The following NDST4 variants were observed in gnomAD, a reference collection of about 807,000 sequenced individuals.
NDST4 encodes N-heparan sulfate sulfotransferase 4.
In NDST4, 63 loss-of-function variants were observed where a neutral mutation model predicts 100.8. That is an observed-to-expected ratio of 0.62 (90% confidence interval 0.51 to 0.77). The LOEUF (loss-of-function observed/expected upper bound fraction) is 0.77, where lower values mean the gene tolerates loss of function less well. Ranked by LOEUF, NDST4 falls within the 30% of genes least tolerant of loss-of-function variation. The pLI, the probability that NDST4 is intolerant of heterozygous loss-of-function variation, is 0.00. For missense variants in NDST4, 943 were observed against 1,018.4 expected, an observed-to-expected ratio of 0.93 and a Z score of 1.01; for synonymous variants, 377 against 361.8, an observed-to-expected ratio of 1.04 and a Z score of -0.48.
At chr4:115,025,764 T>C (rs1727970529) in intron 2 of NDST4, among the ~76,000 whole-genome samples, 1 of 152,176 alleles carries the variant, frequency 6.6e-6, no homozygotes, top group Non-Finnish European at 1.5e-5. Context: ...TTAAAGTTTC[T>C]GTAATTTCAA....
In NDST4 at chr4:114,897,743, T is replaced by A. The variant is rs139096764; in HGVS notation, c.1537-26793A>T. ...TCCACATCCTCACCAGCATTTGGTA[T>A]TGTCAGTGTTTGATATATGGGTAAT... On this transcript the variant is annotated intron_variant, in intron 6 of 13. Transcript: ENST00000264363. Among the ~76,000 whole-genome samples, 164 of 152,338 alleles carry A rather than the reference T, an allele frequency of 1.1e-3. 2 individuals carry two copies. Among genetic ancestry groups the A allele is most frequent in the African/African-American group, 3.6e-3 (151 of 41,582 alleles).
chr4:115,096,218 C>G lies in NDST4; in HGVS notation c.-247+17226G>C, dbSNP rs1207348854. Among the ~76,000 whole-genome samples, 6 of 26,178 alleles carry G rather than the reference C, an allele frequency of 2.3e-4. 2 individuals are homozygous for G. The highest frequency in any genetic ancestry group is 1.8e-3 in the African/African-American group (6 of 3,312). 17.2% of individuals were successfully genotyped at this position (26,178 alleles called of 152,430 possible). A position where few individuals can be genotyped will look rare whatever the true frequency, so the allele number is the denominator to read the frequency against. The stretch of plus-strand genomic sequence containing the variant: ...ACATTACTCAACACATTTTTTAGAA[C>G]AAAACTGACTAAATCCCACTGTCCA... On this transcript the variant is annotated intron_variant, in intron 1 of 13. Coordinates refer to ENST00000264363, the MANE Select transcript of NDST4 (RefSeq NM_022569.3).
intron 12 of NDST4, 40 bp downstream of exon 12, chr4:114,833,566 C>A: frequency 7.5e-7 from 1 of 1,327,712 alleles, no homozygotes; most frequent in Non-Finnish European, 1.1e-6. Flanking sequence ...TTTATGATGG[C>A]AAATAATGGA....
intron 6 of NDST4, among the ~76,000 whole-genome samples, chr4:114,903,773 TAAAG>T (rs1010284622): frequency 9.9e-5 from 15 of 151,834 alleles, no homozygotes; most frequent in South Asian, 2.1e-4. Context: ...AAAGGAGAAA[TAAAG>T]AAAAAGCAAC....
chr4:114,894,249 A>G (rs1399198088), intron 6 of NDST4, among the ~76,000 whole-genome samples: 2 of 152,178 alleles, frequency 1.3e-5, no homozygotes, highest in Non-Finnish European at 2.9e-5. Context: ...TATGAAATTT[A>G]AAATAGTTTT....
chr4:115,058,532 T>C (rs999672208), intron 2 of NDST4, among the ~76,000 whole-genome samples: 1 of 152,192 alleles, frequency 6.6e-6, no homozygotes, highest in East Asian at 1.9e-4. Flanking sequence ...ATTATGTTTG[T>C]TTCCTGACAA....
At chr4:114,855,564 G>T (rs562070198) in intron 7 of NDST4, among the ~76,000 whole-genome samples, 1 of 152,062 alleles carries the variant, frequency 6.6e-6, no homozygotes, top group East Asian at 1.9e-4. Flanking sequence ...TGACATCTTT[G>T]GTGAAAATGA....
At chr4:114,998,006 T>C (rs114183997) in intron 2 of NDST4, among the ~76,000 whole-genome samples, 2,487 of 152,192 alleles carry the variant, frequency 0.016, 62 homozygotes, top group African/African-American at 0.056. Context: ...GTTGTGGTAG[T>C]CATCTCTAGG....
At position 114,846,006 on chromosome 4, in the gene NDST4, A is replaced by C; in HGVS notation, c.1941-9T>G. 6.4e-7 allele frequency: 1 copy of C among 1,560,426 alleles called. No homozygotes were observed. The highest frequency in any genetic ancestry group is 8.7e-7 in the Non-Finnish European group (1 of 1,143,476). ...GGAAAAAGTCCATATACCTGAAGGC[A>C]GAGAAAGACAATTAATTAATCTGAA... is the stretch of plus-strand genomic sequence containing the variant. On this transcript the variant is annotated splice_polypyrimidine_tract_variant and intron_variant, in intron 9 of 13. Coordinates refer to ENST00000264363, the MANE Select transcript of NDST4 (RefSeq NM_022569.3).
intron 1 of NDST4, among the ~76,000 whole-genome samples, chr4:115,088,480 T>C (rs1729451008): frequency 1.3e-5 from 2 of 152,010 alleles, no homozygotes; most frequent in Admixed American, 1.3e-4. Context: ...TCATTTGTAA[T>C]TATAATCTTC....
chr4:114,934,566 AT>A (rs1376451802), intron 6 of NDST4, among the ~76,000 whole-genome samples: 14 of 148,134 alleles, frequency 9.5e-5, no homozygotes, highest in African/African-American at 3.5e-4. Context: ...AAAAAAAAAA[AT>A]AAAATAAAAA....
intron 9 of NDST4, 39 bp from the exon 10 acceptor site, chr4:114,846,036 A>G: frequency 1.4e-6 from 2 of 1,466,706 alleles, no homozygotes; most frequent in Non-Finnish European, 1.9e-6. Flanking sequence ...TCTGAAAATA[A>G]TTTTTCTTGC....
chr4:114,850,389 T>G (rs969343079), intron 8 of NDST4, among the ~76,000 whole-genome samples: 9 of 152,084 alleles, frequency 5.9e-5, no homozygotes, highest in African/African-American at 2.2e-4. Context: ...AGGCATCTGA[T>G]AGGGAGGAGA....
chr4:115,037,003 AT>A (rs759762499), intron 2 of NDST4, among the ~76,000 whole-genome samples: 11 of 152,152 alleles, frequency 7.2e-5, no homozygotes, highest in Non-Finnish European at 1.3e-4. Flanking sequence ...TGCTTGATAA[AT>A]TATGTGTTTT....
intron 2 of NDST4, among the ~76,000 whole-genome samples, chr4:115,071,225 T>G (rs1214511896): frequency 6.6e-6 from 1 of 151,770 alleles, no homozygotes; most frequent in Admixed American, 6.6e-5. Flanking sequence ...ACAGTATGAT[T>G]CAGAATCTCT....
Position 115,068,272 on chromosome 4 carries a change from C to T in NDST4, c.978+7787G>A, listed in dbSNP as rs1467986459. ...ACATAGTAAAATAAAGGCATGAAAA[C>T]GTTCATGTTAAGACATCAGTAAATT... On this transcript the variant is annotated intron_variant, in intron 2 of 13. Transcript: ENST00000264363. 3.3e-5 allele frequency among the ~76,000 whole-genome samples: 5 copies of T among 151,984 alleles called. No individual in the cohort carries two copies. The East Asian group carries it at 5.8e-4, about 18-fold the overall frequency.
chr4:115,071,276 TCACACACACACACACACACA>T (rs70964340), intron 2 of NDST4, among the ~76,000 whole-genome samples: 4 of 138,172 alleles, frequency 2.9e-5, no homozygotes, highest in East Asian at 4.4e-4. Context: ...AAGTATGCCT[TCACACACACACACACACACA>T]CACACACACA....
chr4:114,941,591 G>A (rs1197010956), intron 4 of NDST4, among the ~76,000 whole-genome samples: 4 of 152,086 alleles, frequency 2.6e-5, no homozygotes, highest in Non-Finnish European at 5.9e-5. Flanking sequence ...GCAGCTCCTG[G>A]CTCCTGTTGC....
At chr4:115,090,760 A>G (rs1364782391) in intron 1 of NDST4, among the ~76,000 whole-genome samples, 1 of 152,074 alleles carries the variant, frequency 6.6e-6, no homozygotes, top group African/African-American at 2.4e-5. Context: ...ACTAAACTAA[A>G]GAAAGTGTTA....
Sources: allele counts gnomAD v4.1 joint callset (sites outside exome capture counted in the v4.1 genomes callset), GRCh38; gene constraint gnomAD v4.1.1; transcripts MANE v1.5; gene names NCBI Gene and HGNC (gene_info 2026-07-23, HGNC 2026-07-21).